RELB: variants seen among roughly 807,000 people sequenced by gnomAD.
The protein encoded by RELB is transcription factor RelB.
In RELB, 14 loss-of-function variants were observed where a neutral mutation model predicts 55.4. The observed-to-expected ratio is 0.25, with a 90% confidence interval of 0.17 to 0.40. The LOEUF (loss-of-function observed/expected upper bound fraction) is 0.40, where lower values mean the gene tolerates loss of function less well. Ranked by LOEUF, RELB falls within the 10% of genes least tolerant of loss-of-function variation. The pLI is 1.00. For missense variants in RELB, 669 were observed against 830.7 expected (o/e 0.81, Z 2.39); for synonymous variants, 409 against 371.3 (o/e 1.10, Z -1.17).
chr19:45,008,715 G>C (rs901957360), intron 2 of RELB: 5 of 348,100 alleles, frequency 1.4e-5, no homozygotes, highest in East Asian at 1.5e-4. Context: ...ATCTAGCAGC[G>C]GAACAGGTTC....
chr19:45,034,379 G>A, intron 10 of RELB, 67 bp downstream of exon 10: 1 of 1,602,650 alleles, frequency 6.2e-7, no homozygotes, highest in South Asian at 1.1e-5. Context: ...TGACCCCACT[G>A]CCCTGTCCCA....
rs1971210918 is a variant in RELB at position 45,001,638 on chromosome 19, G to A, written c.59G>A (p.Ser20Asn). ...PSVPTGRAMP[S>N]RRVARPPAAP... ...GTCCCCACTGGCCGGGCCATGCCGA[G>A]TCGCCGCGTCGCCAGACCGCCGGCT... The change falls in exon 1 of 12, where the codon AGT becomes AAT. Residue 20 changes from serine (S) to asparagine (N), a missense_variant. Ser to Asn is a conservative substitution (Grantham distance 46). This residue lies in a region of RELB where 323 missense variants were observed against 368.5 expected (regional missense o/e 0.88). Coordinates refer to ENST00000221452, the MANE Select transcript of RELB (RefSeq NM_006509.4). 2 of 1,523,758 alleles carry A rather than the reference G, an allele frequency of 1.3e-6. No homozygotes were observed. The highest frequency in any genetic ancestry group is 2.5e-5 in the East Asian group (1 of 39,390). The allele number at this position is 1,523,758 out of a possible 1,614,324, so 94.4% of individuals were successfully genotyped here. A position where few individuals can be genotyped will look rare whatever the true frequency, so the allele number is the denominator to read the frequency against.
chr19:45,006,132 G>A (rs2122390223), intron 2 of RELB, among the ~76,000 whole-genome samples: 1 of 152,330 alleles, frequency 6.6e-6, no homozygotes, highest in South Asian at 2.1e-4. Context: ...GGGCTATGAA[G>A]AAACCTTGGG....
intron 2 of RELB, among the ~76,000 whole-genome samples, 197 bp downstream of exon 2, chr19:45,003,193 C>T (rs1971235990): frequency 6.6e-6 from 1 of 151,900 alleles, no homozygotes; most frequent in Admixed American, 6.6e-5. Flanking sequence ...GACAGGTGGC[C>T]GGGCGCGGTG....
chr19:45,001,778 G>A (rs1391162193), intron 1 of RELB, 93 bp downstream of exon 1: 3 of 734,974 alleles, frequency 4.1e-6, no homozygotes, highest in Non-Finnish European at 6.3e-6. Flanking sequence ...GGTTCCTATG[G>A]GAGTCTAAGG....
chr19:45,032,922 G>A (rs1485663965), intron 9 of RELB, among the ~76,000 whole-genome samples, 173 bp downstream of exon 9: 1 of 152,158 alleles, frequency 6.6e-6, no homozygotes, highest in Non-Finnish European at 1.5e-5. Flanking sequence ...TGGCCTCTCT[G>A]AGCCTCATTC....
Position 45,003,262 on chromosome 19 carries a change from G to C in RELB, c.154+266G>C, listed in dbSNP as rs1373405132. Among the ~76,000 whole-genome samples, 4 of 152,082 alleles carry C rather than the reference G, an allele frequency of 2.6e-5. No homozygotes were observed. In the East Asian group the frequency reaches 5.8e-4, roughly 22 times the overall value. ...CGAGGCGGACGGATCACGAGGTCAGGAGATCGAGACCATCCTGGCTAACAC... is the reference window on the plus strand; with the variant it reads ...CGAGGCGGACGGATCACGAGGTCAGCAGATCGAGACCATCCTGGCTAACAC... On this transcript the variant is annotated intron_variant, in intron 2 of 11. Coordinates refer to ENST00000221452, the MANE Select transcript of RELB (RefSeq NM_006509.4).
intron 7 of RELB, among the ~76,000 whole-genome samples, chr19:45,027,579 TG>T (rs1196077305): frequency 6.6e-6 from 1 of 152,170 alleles, no homozygotes; most frequent in African/African-American, 2.4e-5. Flanking sequence ...AAATCAGCTT[TG>T]GCCAGAGGGA....
intron 7 of RELB, among the ~76,000 whole-genome samples, chr19:45,026,792 A>G (rs1971563639): frequency 6.6e-6 from 1 of 152,152 alleles, no homozygotes; most frequent in South Asian, 2.1e-4. Flanking sequence ...GCAAGTGCTT[A>G]GATTTTTCAC....
At position 45,029,000 on chromosome 19, in the gene RELB, G is replaced by T. The variant is rs747688246; in HGVS notation, c.991+8G>T. ...GCGACAAGGTGCAGAAAGGTGAGGGGCCTGGGGCAGCAAGCTTGGGCAGAG... is the reference window on the plus strand; with the variant it reads ...GCGACAAGGTGCAGAAAGGTGAGGGTCCTGGGGCAGCAAGCTTGGGCAGAG... On this transcript the variant is annotated splice_region_variant and intron_variant, in intron 8 of 11. Transcript: ENST00000221452. 2.6e-6 allele frequency: 4 copies of T among 1,564,258 alleles called. No individual in the cohort carries two copies. Among genetic ancestry groups the T allele is most frequent in the Non-Finnish European group, 1.7e-6 (2 of 1,153,318 alleles).
At position 45,022,155 on chromosome 19, in the gene RELB, T is replaced by A. The variant is rs746612727; in HGVS notation, c.607T>A (p.Cys203Ser). 6.2e-7 allele frequency: 1 copy of A among 1,612,686 alleles called. No homozygotes were observed. Among genetic ancestry groups the A allele is most frequent in the Admixed American group, 1.7e-5 (1 of 59,984 alleles). Reference protein sequence around the residue: ...VHPHSLVGKDCTDGICRVRLR... With the variant: ...VHPHSLVGKDSTDGICRVRLR... ...CCCCCACAGCCTCGTGGGGAAAGAC[T>A]GCACCGACGGCATCTGCAGGGTGCG... The change falls in exon 5 of 12, where the codon TGC becomes AGC. Residue 203 changes from cysteine (C) to serine (S), a missense_variant. Cys to Ser is a moderately radical substitution (Grantham distance 112). This residue lies in a region of RELB where 323 missense variants were observed against 368.5 expected (regional missense o/e 0.88). Coordinates refer to ENST00000221452, the MANE Select transcript of RELB (RefSeq NM_006509.4).
Position 45,012,110 on chromosome 19 carries a change from G to A in RELB, c.338G>A (p.Arg113Gln). The change falls in exon 4 of 12, where the codon CGA becomes CAA. Residue 113 changes from arginine (R) to glutamine (Q), a missense_variant. Around this residue, in one of 3 missense-constraint regions of RELB, gnomAD observed 323 missense variants for 368.5 expected, o/e 0.88. Coordinates refer to ENST00000221452, the MANE Select transcript of RELB (RefSeq NM_006509.4). ...TPPPWGCPLGRLVSPAPGPGP... is the reference protein window; with the variant it reads ...TPPPWGCPLGQLVSPAPGPGP... ...CCGCCTTGGGGCTGCCCCCTGGGCC[G>A]ACTAGTGTCCCCAGCGCCGGGCCCG... is the stretch of plus-strand genomic sequence containing the variant. 1 of 1,558,678 alleles carries A rather than the reference G, an allele frequency of 6.4e-7. No homozygotes were observed. Among genetic ancestry groups the A allele is most frequent in the South Asian group, 1.2e-5 (1 of 84,648 alleles).
intron 7 of RELB, among the ~76,000 whole-genome samples, chr19:45,028,433 C>G (rs1266666721): frequency 6.6e-6 from 1 of 152,018 alleles, no homozygotes; most frequent in Non-Finnish European, 1.5e-5. Context: ...CCCTGCAACC[C>G]CTGTCTCCTG....
chr19:45,025,492 C>A, intron 6 of RELB, 72 bp downstream of exon 6: 1 of 1,558,344 alleles, frequency 6.4e-7, no homozygotes, highest in African/African-American at 1.4e-5. Flanking sequence ...ACCCTGGTCC[C>A]CTCACCACTC....
intron 5 of RELB, among the ~76,000 whole-genome samples, chr19:45,024,289 G>A (rs1449854789): frequency 1.3e-5 from 2 of 152,018 alleles, no homozygotes; most frequent in African/African-American, 4.8e-5. Context: ...AGCCTCCCGA[G>A]TAGCTGGGAC....
chr19:45,004,278 A>G (rs542449385), intron 2 of RELB, among the ~76,000 whole-genome samples: 1 of 140,008 alleles, frequency 7.1e-6, no homozygotes, highest in East Asian at 2.1e-4. Context: ...GCTGGAGTAC[A>G]ATGGCGCGAT....
rs1286009746 is a variant in RELB at position 45,032,538 on chromosome 19, C to T, written c.996C>T (p.Asp332=). 4.3e-6 allele frequency: 7 copies of T among 1,611,748 alleles called. No homozygotes were observed. Among genetic ancestry groups the T allele is most frequent in the African/African-American group, 2.7e-5 (2 of 74,892 alleles). Residue 332 remains aspartate (D), a synonymous_variant, in exon 9 of 12, where the codon GAC becomes GAT. Transcript: ENST00000221452. ...ATGTCCCCCGTTTCCTGCCAGAGGA[C>T]ATATCAGTGGTGTTCAGCAGGGCCT... ...YLLCDKVQKE[D]ISVVFSRASW...
Position 45,025,609 on chromosome 19 carries a change from G to A in RELB, c.758G>A (p.Gly253Glu), listed in dbSNP as rs1971549266. ...CTCCCCATATCTCCCCCGACAGCTG[G>A]GTCCCTGAAGAACCATCAGGAAGTA... ...IQLGIDPYNA[G>E]SLKNHQEVDM... Residue 253 changes from glycine (G) to glutamate (E), a missense_variant, in exon 7 of 12, where the codon GGG becomes GAG. Gly to Glu is a moderately conservative substitution (Grantham distance 98). Around this residue, in one of 3 missense-constraint regions of RELB, gnomAD observed 5 missense variants for 25.4 expected, o/e 0.20. Coordinates refer to ENST00000221452, the MANE Select transcript of RELB (RefSeq NM_006509.4). 6.2e-7 allele frequency: 1 copy of A among 1,613,744 alleles called. No individual in the cohort carries two copies. Among genetic ancestry groups the A allele is most frequent in the Admixed American group, 1.7e-5 (1 of 59,940 alleles).
chr19:45,001,697 TG>T lies in RELB; in HGVS notation c.106+16del, dbSNP rs1971212396. ...GCTGGGGGCCTTAGGTAAGCGGGGCTGGGGTTCAGGAGAGGGGTCTGGGGCG... is the reference window on the plus strand; with the variant it reads ...GCTGGGGGCCTTAGGTAAGCGGGGCTGGGTTCAGGAGAGGGGTCTGGGGCG... On this transcript the variant is annotated intron_variant, in intron 1 of 11. Transcript: ENST00000221452. 3 of 1,481,692 alleles carry T rather than the reference TG, an allele frequency of 2.0e-6. No individual in the cohort carries two copies. Among genetic ancestry groups the T allele is most frequent in the Middle Eastern group, 2.0e-4 (1 of 5,036 alleles). The allele number at this position is 1,481,692 out of a possible 1,614,324, so 91.8% of individuals were successfully genotyped here.
Sources: allele counts gnomAD v4.1 joint callset (sites outside exome capture counted in the v4.1 genomes callset), GRCh38; gene constraint gnomAD v4.1.1; regional missense constraint gnomAD v4.1.1; transcripts MANE v1.5; gene names NCBI Gene and HGNC (gene_info 2026-07-23, HGNC 2026-07-21).